Variants in CNBD1 observed in about 807,000 individuals in gnomAD.
The protein encoded by CNBD1 is cyclic nucleotide binding domain containing 1.
In CNBD1, 71 loss-of-function variants were observed where a neutral mutation model predicts 54.4. The ratio of observed to expected loss-of-function variants is 1.30; its 90% CI spans 1.08 to 1.59. CNBD1 has a LOEUF of 1.59. CNBD1 is among the 40% of genes most tolerant of loss of function. The pLI is 0.00. For missense variants in CNBD1, 659 were observed against 518.0 expected, an observed-to-expected ratio of 1.27 and a Z score of -2.64; for synonymous variants, 182 against 170.7, an observed-to-expected ratio of 1.07 and a Z score of -0.51.
intron 1 of CNBD1, among the ~76,000 whole-genome samples, chr8:86,867,052 A>T (rs933613198): frequency 6.6e-6 from 1 of 152,136 alleles, no homozygotes; most frequent in Non-Finnish European, 1.5e-5. Flanking sequence ...CTGACTGTGA[A>T]ATTTATTCCT....
At chr8:87,362,281 A>G (rs1810537763) in intron 10 of CNBD1, among the ~76,000 whole-genome samples, 1 of 152,100 alleles carries the variant, frequency 6.6e-6, no homozygotes, top group Non-Finnish European at 1.5e-5. Context: ...CATTAAAATC[A>G]TATTGCCAAG....
At chr8:87,200,404 T>G (rs1215685569) in intron 4 of CNBD1, among the ~76,000 whole-genome samples, 1 of 152,040 alleles carries the variant, frequency 6.6e-6, no homozygotes, top group Non-Finnish European at 1.5e-5. Flanking sequence ...GGAACGAATT[T>G]TCATAACATA....
intron 2 of CNBD1, among the ~76,000 whole-genome samples, chr8:87,413,337 T>C (rs1485488303): frequency 2.6e-5 from 4 of 152,088 alleles, no homozygotes; most frequent in Non-Finnish European, 5.9e-5. Flanking sequence ...ATAGTTGTGT[T>C]TTAAAATGAT....
chr8:87,139,797 C>T (rs940477590), intron 4 of CNBD1, among the ~76,000 whole-genome samples: 3 of 152,132 alleles, frequency 2.0e-5, no homozygotes, highest in African/African-American at 4.8e-5. Context: ...GACAGCCTCT[C>T]CTCTGTAGAC....
At chr8:86,869,157 T>G (rs1035791871) in intron 1 of CNBD1, among the ~76,000 whole-genome samples, 3 of 152,202 alleles carry the variant, frequency 2.0e-5, no homozygotes, top group African/African-American at 7.2e-5. Context: ...TTTCCAGAAC[T>G]GTTAGATAAT....
chr8:86,884,004 T>G (rs914433565), intron 1 of CNBD1, among the ~76,000 whole-genome samples: 1 of 151,588 alleles, frequency 6.6e-6, no homozygotes, highest in East Asian at 1.9e-4. Flanking sequence ...TACAAAAAAT[T>G]AGCCGGGCGT....
chr8:87,207,473 CACAT>C lies in CNBD1; in HGVS notation c.577+1337_577+1340del, dbSNP rs548768785. On this transcript the variant is annotated intron_variant, in intron 5 of 10. Coordinates refer to ENST00000518476, the MANE Select transcript of CNBD1 (RefSeq NM_173538.3). ...ACATAGACACACACACACACACACA[CACAT>C]AAACATATATCTTTTTAAACTATAC... Among the ~76,000 whole-genome samples, 4 of 152,066 alleles carry C rather than the reference CACAT, an allele frequency of 2.6e-5. No individual in the cohort carries two copies. In the South Asian group the frequency reaches 8.3e-4, roughly 32 times the overall value.
At chr8:87,026,597 T>G (rs1193378794) in intron 4 of CNBD1, among the ~76,000 whole-genome samples, 3 of 152,192 alleles carry the variant, frequency 2.0e-5, no homozygotes, top group African/African-American at 7.2e-5. Context: ...ACTAGTCATT[T>G]TATATTAGAA....
intron 4 of CNBD1, among the ~76,000 whole-genome samples, chr8:86,948,553 T>C (rs187861354): frequency 3.6e-4 from 55 of 152,282 alleles, no homozygotes; most frequent in Non-Finnish European, 6.9e-4. Flanking sequence ...CATTTGCATG[T>C]CATTTTTTTG....
chr8:86,925,312 A>G (rs1189019415), intron 3 of CNBD1, among the ~76,000 whole-genome samples: 1 of 152,160 alleles, frequency 6.6e-6, no homozygotes, highest in African/African-American at 2.4e-5. Context: ...GAGTTAACTT[A>G]GTGTACTTAG....
chr8:87,223,883 C>T (rs1406086464), intron 5 of CNBD1, among the ~76,000 whole-genome samples: 1 of 152,158 alleles, frequency 6.6e-6, no homozygotes, highest in Admixed American at 6.5e-5. Context: ...TCCTATTTCT[C>T]CACATTCTCT....
chr8:86,986,811 C>T (rs972527209), intron 4 of CNBD1, among the ~76,000 whole-genome samples: 2 of 151,930 alleles, frequency 1.3e-5, no homozygotes, highest in African/African-American at 4.8e-5. Flanking sequence ...TGTTGAAGAT[C>T]ACCTGGTTGT....
Position 87,052,693 on chromosome 8 carries a change from T to G in CNBD1, c.431+112939T>G, listed in dbSNP as rs76733948. 2.6e-5 allele frequency among the ~76,000 whole-genome samples: 4 copies of G among 152,276 alleles called. No individual in the cohort carries two copies. The East Asian group carries it at 7.7e-4, about 29-fold the overall frequency. Reference sequence around the variant, plus strand: ...GTTTTCTTTGGCTATAGGAGACATGTTGTTTATCCCAACTTTTCTGCTGCC... The same window carrying G: ...GTTTTCTTTGGCTATAGGAGACATGGTGTTTATCCCAACTTTTCTGCTGCC... On this transcript the variant is annotated intron_variant, in intron 4 of 10. Transcript: ENST00000518476.
chr8:87,353,547 G>T, intron 9 of CNBD1, 89 bp from the exon 10 acceptor site: 2 of 797,124 alleles, frequency 2.5e-6, no homozygotes, highest in Non-Finnish European at 4.0e-6. Context: ...TTAGTAAAAT[G>T]GTTTATGAGT....
At chr8:86,994,268 C>T (rs1240869493) in intron 4 of CNBD1, among the ~76,000 whole-genome samples, 2 of 152,228 alleles carry the variant, frequency 1.3e-5, no homozygotes, top group Non-Finnish European at 2.9e-5. Context: ...TACTAGGTCA[C>T]TGGGAAACTA....
intron 6 of CNBD1, among the ~76,000 whole-genome samples, chr8:87,258,663 T>C (rs1416803182): frequency 6.6e-6 from 1 of 152,120 alleles, no homozygotes; most frequent in Non-Finnish European, 1.5e-5. Flanking sequence ...CTTGCACTAG[T>C]GGACTATTAA....
intron 10 of CNBD1, among the ~76,000 whole-genome samples, chr8:87,354,539 A>G (rs1483776282): frequency 2.0e-5 from 3 of 151,830 alleles, no homozygotes; most frequent in Non-Finnish European, 2.9e-5. Flanking sequence ...TATATCTCCT[A>G]TTGCTATCCC....
chr8:87,296,605 G>GTA (rs373445352), intron 8 of CNBD1, among the ~76,000 whole-genome samples: 91,789 of 148,612 alleles, frequency 0.62, 29,123 homozygotes, highest in Non-Finnish European at 0.71. Context: ...ATATAATTTG[G>GTA]TATATATATA....
intron 4 of CNBD1, among the ~76,000 whole-genome samples, chr8:87,095,807 G>A (rs920864344): frequency 1.3e-5 from 2 of 152,018 alleles, no homozygotes; most frequent in African/African-American, 2.4e-5. Context: ...ACAGGTGCCC[G>A]CCACCACACC....
Sources: gnomAD v4.1 joint callset for allele counts (sites outside exome capture counted in the v4.1 genomes callset) on GRCh38, gnomAD v4.1.1 for gene constraint, MANE v1.5 for transcripts, NCBI Gene and HGNC (gene_info 2026-07-23, HGNC 2026-07-21) for gene names.